Variants in TANC1 observed in about 807,000 individuals in gnomAD.
TANC1 encodes the protein tetratricopeptide repeat, ankyrin repeat and coiled-coil containing 1.
Under a neutral mutation model 149.7 loss-of-function variants are expected in TANC1, and 77 were observed. The observed-to-expected ratio is 0.51, with a 90% CI of 0.43 to 0.62. The LOEUF (loss-of-function observed/expected upper bound fraction) is 0.62, where lower values mean the gene tolerates loss of function less well. Among genes scored for constraint, TANC1 ranks in the 20% least tolerant of loss-of-function variants. TANC1 has a pLI of 0.00. For synonymous variants in TANC1, 854 were observed against 925.0 expected, an observed-to-expected ratio of 0.92 and a Z score of 1.39; for missense variants, 1,985 against 2,321.8, an observed-to-expected ratio of 0.85 and a Z score of 2.98.
chr2:159,066,487 G>T (rs1198564384), intron 3 of TANC1, among the ~76,000 whole-genome samples: 1 of 152,162 alleles, frequency 6.6e-6, no homozygotes, highest in Non-Finnish European at 1.5e-5. Flanking sequence ...TTGAGTTTGG[G>T]TTATAACCAA....
At position 159,219,291 on chromosome 2, in the gene TANC1, A is replaced by G. The variant is rs1379372825; in HGVS notation, c.3432A>G (p.Gln1144=). The change falls in exon 21 of 27, where the codon CAA becomes CAG. Residue 1144 remains glutamine (Q), a synonymous_variant. Transcript: ENST00000263635. ...GTGATGTGAACCTAAGTGACAAGCA[A>G]GGCCGGACGCCCCTCATGGTGGCTG... ...RGCDVNLSDK[Q]GRTPLMVAAC... The G allele has an allele frequency of 6.2e-7, 1 of 1,614,190 alleles. No individual in the cohort carries two copies.
At chr2:158,991,360 A>C (rs915540247) in intron 1 of TANC1, among the ~76,000 whole-genome samples, 5 of 152,200 alleles carry the variant, frequency 3.3e-5, no homozygotes, top group South Asian at 4.1e-4. Flanking sequence ...AGTGGAATGC[A>C]GATGTTAAAA....
chr2:159,120,370 T>A (rs944769814), intron 4 of TANC1, among the ~76,000 whole-genome samples: 12 of 152,100 alleles, frequency 7.9e-5, no homozygotes, highest in Non-Finnish European at 1.3e-4. Context: ...TATTTTTTTT[T>A]AATTTTTTTT....
Position 159,170,504 on chromosome 2 carries a change from T to A in TANC1, c.1070-20T>A. 6.4e-7 allele frequency: 1 copy of A among 1,560,648 alleles called. No homozygotes were observed. The highest frequency in any genetic ancestry group is 8.6e-7 in the Non-Finnish European group (1 of 1,156,526). ...TAAAATTATGACATTTTTCTAAAAT[T>A]TTTTTTTCTTCTTTTGAAGCACGAT... On this transcript the variant is annotated intron_variant, in intron 9 of 26. Transcript: ENST00000263635.
intron 5 of TANC1, among the ~76,000 whole-genome samples, chr2:159,146,668 G>A (rs181882254): frequency 3.4e-4 from 51 of 151,522 alleles, no homozygotes; most frequent in African/African-American, 1.2e-3. Context: ...AGCCTCCCGA[G>A]TAGCTGGGAT....
intron 16 of TANC1, 61 bp from the exon 17 acceptor site, chr2:159,194,196 T>TA (rs2057681933): frequency 7.1e-7 from 1 of 1,402,780 alleles, no homozygotes; most frequent in African/African-American, 1.4e-5. Flanking sequence ...ATACTGCCCA[T>TA]TTCCAGAAAT....
Position 159,230,012 on chromosome 2 carries a change from A to G in TANC1, c.4586A>G (p.Lys1529Arg). 6.2e-7 allele frequency: 1 copy of G among 1,614,050 alleles called. No homozygotes were observed. The highest frequency in any genetic ancestry group is 1.1e-5 in the South Asian group (1 of 91,090). Reference protein sequence around the residue: ...AQPGLLLQPSKQAQIVKTSQH... With the variant: ...AQPGLLLQPSRQAQIVKTSQH... ...CCAGGGCTGCTCCTGCAGCCCTCCA[A>G]GCAGGCCCAGATCGTGAAAACCAGC... Residue 1529 changes from lysine to arginine, a missense_variant, in exon 27 of 27, where the codon AAG becomes AGG. Coordinates refer to ENST00000263635, the MANE Select transcript of TANC1 (RefSeq NM_033394.3). This position sits in a 1 kb window ranked among gnomAD's most constrained non-coding sequence, Gnocchi z 4.4.
chr2:159,229,929 G>A lies in TANC1; in HGVS notation c.4503G>A (p.Pro1501=), dbSNP rs367694926. Residue 1501 remains proline (P), a synonymous_variant, in exon 27 of 27, where the codon CCG becomes CCA. Coordinates refer to ENST00000263635, the MANE Select transcript of TANC1 (RefSeq NM_033394.3). ...AAGGGTTACAGTCCAAAGGAAGGCC[G>A]GTATCGCCACAGAGCAGGGCAGGAA... The part of the protein sequence containing the change: ...LQEGLQSKGR[P]VSPQSRAGIG... 303 of 1,614,060 alleles carry A rather than the reference G, an allele frequency of 1.9e-4. 2 individuals carry two copies. Among genetic ancestry groups the A allele is most frequent in the African/African-American group, 1.9e-3 (139 of 75,070 alleles).
intron 16 of TANC1, among the ~76,000 whole-genome samples, chr2:159,191,576 CAG>C (rs1559428739): frequency 6.6e-6 from 1 of 152,100 alleles, no homozygotes; most frequent in African/African-American, 2.4e-5. Context: ...CAGAGAAGAT[CAG>C]AGAGGAAGCT....
intron 22 of TANC1, among the ~76,000 whole-genome samples, chr2:159,220,595 C>T (rs1306817614): frequency 6.7e-6 from 1 of 148,482 alleles, no homozygotes; most frequent in African/African-American, 2.5e-5. Context: ...AGCCCCTGCA[C>T]CTGGCTTATT....
At chr2:159,101,816 A>G (rs1347734894) in intron 4 of TANC1, among the ~76,000 whole-genome samples, 2 of 152,198 alleles carry the variant, frequency 1.3e-5, no homozygotes, top group African/African-American at 4.8e-5. Flanking sequence ...AACAATCAAA[A>G]CATCATGAAT....
chr2:159,210,940 C>A (rs1178260213), intron 19 of TANC1, among the ~76,000 whole-genome samples: 2 of 151,532 alleles, frequency 1.3e-5, no homozygotes, highest in Non-Finnish European at 2.9e-5. Context: ...GGCACAATCT[C>A]AGCTCACTGC....
At chr2:159,115,045 C>G (rs1039691059) in intron 4 of TANC1, among the ~76,000 whole-genome samples, 7 of 152,296 alleles carry the variant, frequency 4.6e-5, no homozygotes, top group Admixed American at 3.9e-4. Flanking sequence ...TAAATAAATA[C>G]TTGGCTCTAA....
chr2:159,186,985 C>G lies in TANC1; in HGVS notation c.2703C>G (p.Ala901=), dbSNP rs373489024. 17 of 1,614,122 alleles carry G rather than the reference C, an allele frequency of 1.1e-5. No homozygotes were observed. The highest frequency in any genetic ancestry group is 1.3e-5 in the Non-Finnish European group (15 of 1,180,046). The change falls in exon 16 of 27, where the codon GCC becomes GCG. Residue 901 remains alanine (A), a synonymous_variant. Transcript: ENST00000263635. ...ACAGCACCGAGGGGCTGTCCGCCGC[C>G]CTGGCCTCTCTCAGGAATCTCTATA... ...IGYSTEGLSA[A]LASLRNLYTP...
chr2:159,095,815 G>A (rs534815292), intron 3 of TANC1, among the ~76,000 whole-genome samples: 2 of 147,948 alleles, frequency 1.4e-5, no homozygotes, highest in Non-Finnish European at 3.0e-5. Flanking sequence ...TATGGAGGGG[G>A]TGACTCTACT....
chr2:159,132,575 A>G (rs764428677), intron 4 of TANC1, among the ~76,000 whole-genome samples: 4 of 151,540 alleles, frequency 2.6e-5, no homozygotes, highest in East Asian at 1.9e-4. Flanking sequence ...TGCACCCTCC[A>G]TCTCCTGGGT....
chr2:158,982,862 A>T (rs954667841), intron 1 of TANC1, among the ~76,000 whole-genome samples: 2 of 152,160 alleles, frequency 1.3e-5, no homozygotes, highest in African/African-American at 4.8e-5. Flanking sequence ...GGGCTCAAGC[A>T]GTCTTCCTGC....
At chr2:159,062,786 T>A (rs1265472813) in intron 2 of TANC1, among the ~76,000 whole-genome samples, 1 of 149,202 alleles carries the variant, frequency 6.7e-6, no homozygotes, top group African/African-American at 2.5e-5. Context: ...GCTAACAAGG[T>A]GAAACCCCGT....
intron 4 of TANC1, among the ~76,000 whole-genome samples, chr2:159,128,609 G>C (rs2049743340): frequency 6.6e-6 from 1 of 152,082 alleles, no homozygotes. Flanking sequence ...GGTGCCTTCT[G>C]TCCCCCGAGC....
Sources: gnomAD v4.1 joint callset for allele counts (sites outside exome capture counted in the v4.1 genomes callset) on GRCh38, gnomAD v4.1.1 for gene constraint, Gnocchi (gnomAD v3.1) non-coding constraint, MANE v1.5 for transcripts, NCBI Gene and HGNC (gene_info 2026-07-23, HGNC 2026-07-21) for gene names.